CAMTA1: variants seen among roughly 807,000 people sequenced by gnomAD.
CAMTA1 encodes the protein calmodulin binding transcription activator 1.
Under a neutral mutation model 170.9 loss-of-function variants are expected in CAMTA1, and 27 were observed. The observed-to-expected ratio is 0.16, with a 90% CI of 0.12 to 0.22. The LOEUF is 0.22. CAMTA1 is among the 10% of genes least tolerant of loss of function. The pLI, the probability that CAMTA1 is intolerant of heterozygous loss-of-function variation, is 1.00. For synonymous variants in CAMTA1, 833 were observed against 891.5 expected (o/e 0.93, Z 1.17); for missense variants, 1,619 against 2,217.2 (o/e 0.73, Z 5.42).
chr1:7,129,174 TTGCCCA>T (rs1645106837), intron 4 of CAMTA1, among the ~76,000 whole-genome samples: 1 of 152,098 alleles, frequency 6.6e-6, no homozygotes, highest in Admixed American at 6.5e-5. Context: ...ATAAGGTCAC[TTGCCCA>T]GGCTCCCACA....
intron 4 of CAMTA1, among the ~76,000 whole-genome samples, chr1:7,155,737 G>A (rs1304980506): frequency 1.3e-5 from 2 of 152,106 alleles, no homozygotes; most frequent in Non-Finnish European, 2.9e-5. Flanking sequence ...AGTGAGCCAT[G>A]AGGTCTTGAG....
Position 7,736,881 on chromosome 1 carries a change from C to T in CAMTA1, c.3264-50C>T, listed in dbSNP as rs759200674. 2 of 1,417,242 alleles carry T rather than the reference C, an allele frequency of 1.4e-6. No individual in the cohort carries two copies. Among genetic ancestry groups the T allele is most frequent in the South Asian group, 1.2e-5 (1 of 83,550 alleles). 87.8% of individuals were successfully genotyped at this position (1,417,242 alleles called of 1,614,324 possible). On this transcript the variant is annotated intron_variant, in intron 13 of 22. Coordinates refer to ENST00000303635, the MANE Select transcript of CAMTA1 (RefSeq NM_015215.4). This position sits in a 1 kb window ranked among gnomAD's most constrained non-coding sequence, Gnocchi z 4.5. ...GGGTTTTATAATATTCTGGTGTTTC[C>T]TTTTAACGGTGGTGAATAGTGTGGT...
At chr1:7,399,113 C>G (rs1204968978) in intron 5 of CAMTA1, among the ~76,000 whole-genome samples, 1 of 152,072 alleles carries the variant, frequency 6.6e-6, no homozygotes, top group African/African-American at 2.4e-5. Context: ...GGAAGTAGGA[C>G]CTAATGGGAG....
intron 3 of CAMTA1, among the ~76,000 whole-genome samples, chr1:7,035,454 C>T (rs2101168140): frequency 6.6e-6 from 1 of 152,128 alleles, no homozygotes; most frequent in East Asian, 1.9e-4. Context: ...TAAAGTAAAA[C>T]TGGCAAAGCG....
chr1:7,377,141 C>T (rs1022462295), intron 5 of CAMTA1, among the ~76,000 whole-genome samples: 1 of 152,190 alleles, frequency 6.6e-6, no homozygotes, highest in African/African-American at 2.4e-5. Flanking sequence ...GCTGAGGGGC[C>T]CCCTTCACCT....
chr1:7,488,731 T>C (rs1252514301), intron 6 of CAMTA1, among the ~76,000 whole-genome samples: 9 of 152,096 alleles, frequency 5.9e-5, no homozygotes. Context: ...ATAGTACACA[T>C]AAATGTACAC....
In CAMTA1 at chr1:7,323,507, C is replaced by CT. The variant is rs56382342; in HGVS notation, c.438+73906dup. 6.0e-3 allele frequency among the ~76,000 whole-genome samples: 658 copies of CT among 109,014 alleles called. 10 individuals are homozygous for CT. The highest frequency in any genetic ancestry group is 8.3e-3 in the Non-Finnish European group (476 of 57,152). The allele number at this position is 109,014 out of a possible 152,430, so 71.5% of individuals were successfully genotyped here. On this transcript the variant is annotated intron_variant, in intron 5 of 22. Transcript: ENST00000303635. Reference sequence around the variant, plus strand: ...GGATGATTCTATTTCCTTTATTCTTCTTTTTTTTTTTTTTTTTTTTTTTTT... The same window carrying CT: ...GGATGATTCTATTTCCTTTATTCTTCTTTTTTTTTTTTTTTTTTTTTTTTTT...
At chr1:6,871,311 C>T (rs560579341) in intron 3 of CAMTA1, among the ~76,000 whole-genome samples, 19 of 152,202 alleles carry the variant, frequency 1.2e-4, no homozygotes, top group Non-Finnish European at 2.6e-4. Context: ...TTGCTGTCTT[C>T]TAGAACATTG....
chr1:7,078,150 T>A (rs1639556798), intron 3 of CAMTA1, among the ~76,000 whole-genome samples: 1 of 152,044 alleles, frequency 6.6e-6, no homozygotes, highest in South Asian at 2.1e-4. Context: ...TTAATGGGAG[T>A]TGGCAGTGTG....
chr1:7,656,803 C>T (rs2149098146), intron 7 of CAMTA1, among the ~76,000 whole-genome samples: 1 of 152,366 alleles, frequency 6.6e-6, no homozygotes, highest in East Asian at 1.9e-4. Flanking sequence ...AGATGCTCTC[C>T]AAAGCATGGG....
At chr1:7,198,613 C>G (rs191689846) in intron 4 of CAMTA1, among the ~76,000 whole-genome samples, 1 of 152,098 alleles carries the variant, frequency 6.6e-6, no homozygotes, top group African/African-American at 2.4e-5. Context: ...CCCTTGGCCA[C>G]GCTGCGCTGG....
At chr1:7,622,094 T>TG (rs1331965593) in intron 6 of CAMTA1, among the ~76,000 whole-genome samples, 2 of 152,058 alleles carry the variant, frequency 1.3e-5, no homozygotes, top group Non-Finnish European at 2.9e-5. Context: ...CCTGGAGGTA[T>TG]GGGGGGAGGA....
intron 4 of CAMTA1, among the ~76,000 whole-genome samples, chr1:7,123,559 C>T (rs1309435206): frequency 2.0e-5 from 3 of 152,168 alleles, no homozygotes; most frequent in African/African-American, 7.2e-5. Flanking sequence ...TGTGAGTGTG[C>T]CAGGCTCTTT....
intron 1 of CAMTA1, 148 bp downstream of exon 1, chr1:6,785,723 G>T (rs1161846201): frequency 5.4e-6 from 1 of 186,354 alleles, no homozygotes; most frequent in East Asian, 2.2e-4. Flanking sequence ...GGAGGGGGCC[G>T]GCGGGGTGGG....
At chr1:7,114,512 G>A (rs949263431) in intron 4 of CAMTA1, among the ~76,000 whole-genome samples, 19 of 152,290 alleles carry the variant, frequency 1.2e-4, no homozygotes, top group Non-Finnish European at 2.6e-4. Flanking sequence ...ATGAATTTGT[G>A]TTGGGCTGCA....
intron 16 of CAMTA1, among the ~76,000 whole-genome samples, chr1:7,744,323 G>A (rs1283098546): frequency 6.6e-6 from 1 of 151,374 alleles, no homozygotes; most frequent in Non-Finnish European, 1.5e-5. Flanking sequence ...GTAGGGACAG[G>A]GTTTCATCAT....
chr1:7,451,592 T>C (rs1381942466), intron 5 of CAMTA1, among the ~76,000 whole-genome samples: 1 of 152,012 alleles, frequency 6.6e-6, no homozygotes, highest in Non-Finnish European at 1.5e-5. Context: ...GGGGAGGTGG[T>C]GGGGAACTTG....
At chr1:7,076,382 T>G (rs1281532470) in intron 3 of CAMTA1, among the ~76,000 whole-genome samples, 1 of 152,222 alleles carries the variant, frequency 6.6e-6, no homozygotes, top group Non-Finnish European at 1.5e-5. Flanking sequence ...TATATTTGAT[T>G]GTGTTTTTTC....
intron 4 of CAMTA1, among the ~76,000 whole-genome samples, chr1:7,098,112 T>TGTGG (rs1642290010): frequency 6.6e-6 from 1 of 151,716 alleles, no homozygotes; most frequent in African/African-American, 2.4e-5. Context: ...TGTGTGTGTG[T>TGTGG]GTGTGTGTGC....
Sources: allele counts gnomAD v4.1 joint callset (sites outside exome capture counted in the v4.1 genomes callset), GRCh38; gene constraint gnomAD v4.1.1; non-coding constraint Gnocchi (gnomAD v3.1); transcripts MANE v1.5; gene names NCBI Gene and HGNC (gene_info 2026-07-23, HGNC 2026-07-21).